OR2M4: variants seen among roughly 807,000 people sequenced by gnomAD.
The protein encoded by OR2M4 is olfactory receptor family 2 subfamily M member 4.
A neutral mutation model predicts 13.7 loss-of-function variants in OR2M4; 8 were observed. The ratio of observed to expected loss-of-function variants is 0.58; its 90% CI spans 0.34 to 1.05. The LOEUF (loss-of-function observed/expected upper bound fraction) is 1.05. OR2M4 is among the 50% of genes least tolerant of loss of function. The pLI is 0.02. For missense variants in OR2M4, 374 were observed against 381.6 expected, an observed-to-expected ratio of 0.98 and a Z score of 0.17; for synonymous variants, 152 against 141.3, an observed-to-expected ratio of 1.08 and a Z score of -0.53.
chr1:248,239,658 C>T lies in OR2M4; in HGVS notation c.730C>T (p.His244Tyr), dbSNP rs774431607. The T allele has an allele frequency of 2.7e-5, 43 of 1,613,996 alleles. No individual in the cohort carries two copies. Among genetic ancestry groups the T allele is most frequent in the Non-Finnish European group, 3.1e-5 (36 of 1,180,028 alleles). The change falls in exon 2 of 2, where the codon CAC becomes TAC. Residue 244 changes from histidine to tyrosine, a missense_variant. By Grantham distance (83) the His-to-Tyr change is moderately conservative (BLOSUM62 2). Coordinates refer to ENST00000641868, the MANE Select transcript of OR2M4 (RefSeq NM_017504.2). ...RRKAFTTCSS[H>Y]LSVVGLYYGA... ...CAAGGCCTTCACTACCTGCTCCTCCCACCTGTCTGTGGTCGGACTCTACTA... is the reference window on the plus strand; with the variant it reads ...CAAGGCCTTCACTACCTGCTCCTCCTACCTGTCTGTGGTCGGACTCTACTA...
rs1015845082 is a variant in OR2M4, at chr1:248,239,001, A to G, written c.73A>G (p.Thr25Ala). ...AATCTTCAATCACAGTCCCACCCACACCTTCCTTTTTTCTCTGGTCCTGGG... is the reference window on the plus strand; with the variant it reads ...AATCTTCAATCACAGTCCCACCCACGCCTTCCTTTTTTCTCTGGTCCTGGG... Reference protein sequence around the residue: ...LGIFNHSPTHTFLFSLVLGIF... With the variant: ...LGIFNHSPTHAFLFSLVLGIF... Residue 25 changes from threonine to alanine, a missense_variant, in exon 2 of 2, where the codon ACC becomes GCC. Physicochemically the swap from Thr to Ala is moderately conservative, Grantham distance 58 (BLOSUM62 0). Transcript: ENST00000641868. 2 of 1,613,592 alleles carry G rather than the reference A, an allele frequency of 1.2e-6. No individual in the cohort carries two copies. The highest frequency in any genetic ancestry group is 2.7e-5 in the African/African-American group (2 of 74,772).
At position 248,240,667 on chromosome 1, in the gene OR2M4, G is replaced by A. The variant is rs575628144; in HGVS notation, c.*803G>A. ...CCATACACGAACAACACATTCATGA[G>A]AGCCAAAAATCAGGTGAGCCTTCGT... On this transcript the variant is annotated 3_prime_UTR_variant, in exon 2 of 2. Coordinates refer to ENST00000641868, the MANE Select transcript of OR2M4 (RefSeq NM_017504.2). 5 of 152,296 alleles carry A rather than the reference G, an allele frequency of 3.3e-5. No individual in the cohort carries two copies. In the East Asian group the frequency reaches 9.6e-4, roughly 29 times the overall value. The allele number at this position is 152,296 out of a possible 1,614,324, so 9.4% of individuals were successfully genotyped here.
chr1:248,232,213 T>A (rs1261266871), intron 1 of OR2M4, among the ~76,000 whole-genome samples: 1 of 152,202 alleles, frequency 6.6e-6, no homozygotes, highest in Non-Finnish European at 1.5e-5. Flanking sequence ...AAGAAAAATT[T>A]AATAAAATCT....
At chr1:248,234,631 T>A (rs1666539396) in intron 1 of OR2M4, among the ~76,000 whole-genome samples, 1 of 152,142 alleles carries the variant, frequency 6.6e-6, no homozygotes, top group Non-Finnish European at 1.5e-5. Context: ...CCTTCATTCA[T>A]GTCCCTGCAA....
intron 1 of OR2M4, among the ~76,000 whole-genome samples, chr1:248,237,463 G>C (rs1440501807): frequency 6.6e-6 from 1 of 152,106 alleles, no homozygotes; most frequent in Non-Finnish European, 1.5e-5. Context: ...AGATGAGCCT[G>C]ACCAACATGG....
chr1:248,236,638 AAAAAT>A (rs960339236), intron 1 of OR2M4, among the ~76,000 whole-genome samples: 4 of 152,108 alleles, frequency 2.6e-5, no homozygotes, highest in Admixed American at 6.6e-5. Flanking sequence ...TGATTTTTTG[AAAAAT>A]AAAATAAAAT....
intron 1 of OR2M4, among the ~76,000 whole-genome samples, chr1:248,236,156 T>C (rs1003870157): frequency 6.6e-6 from 1 of 152,104 alleles, no homozygotes; most frequent in Non-Finnish European, 1.5e-5. Flanking sequence ...ATTACATAAT[T>C]GGTAATAAAG....
At chr1:248,237,215 C>T (rs548782959) in intron 1 of OR2M4, among the ~76,000 whole-genome samples, 20 of 152,196 alleles carry the variant, frequency 1.3e-4, no homozygotes, top group African/African-American at 4.3e-4. Flanking sequence ...TTATCTACCA[C>T]GATCAAGTCA....
Position 248,241,071 on chromosome 1 carries a change from C to G in OR2M4, c.*1207C>G, listed in dbSNP as rs1051484680. ...GCGGTCTATGCCATAAGTACTGCAA[C>G]TCTTAGGTGAGTCCTAGTGCTGAAT... On this transcript the variant is annotated 3_prime_UTR_variant, in exon 2 of 2. Coordinates refer to ENST00000641868, the MANE Select transcript of OR2M4 (RefSeq NM_017504.2). 1.3e-5 allele frequency: 2 copies of G among 152,240 alleles called. No individual in the cohort carries two copies. Among genetic ancestry groups the G allele is most frequent in the African/African-American group, 2.4e-5 (1 of 41,452 alleles). 9.4% of individuals were successfully genotyped at this position (152,240 alleles called of 1,614,324 possible).
In OR2M4 at chr1:248,241,233, T is replaced by C. The variant is rs1010385142; in HGVS notation, c.*1369T>C. 4.6e-5 allele frequency: 7 copies of C among 151,926 alleles called. No homozygotes were observed. Among genetic ancestry groups the C allele is most frequent in the African/African-American group, 1.7e-4 (7 of 41,378 alleles). The allele number at this position is 151,926 out of a possible 1,614,324, so 9.4% of individuals were successfully genotyped here. A position where few individuals can be genotyped will look rare whatever the true frequency, so the allele number is the denominator to read the frequency against. ...CATGGCTCCAAAAGAGTTCTTCCACTTGAGGAGAAGAAAGAGTGGAGAGGA... is the reference window on the plus strand; with the variant it reads ...CATGGCTCCAAAAGAGTTCTTCCACCTGAGGAGAAGAAAGAGTGGAGAGGA... On this transcript the variant is annotated 3_prime_UTR_variant, in exon 2 of 2. Transcript: ENST00000641868.
chr1:248,232,285 A>G (rs757319644), intron 1 of OR2M4, among the ~76,000 whole-genome samples: 4 of 152,134 alleles, frequency 2.6e-5, no homozygotes, highest in Non-Finnish European at 4.4e-5. Context: ...TGAATATGCT[A>G]CAATATGTGG....
At chr1:248,232,197 G>A (rs1044124124) in intron 1 of OR2M4, among the ~76,000 whole-genome samples, 2 of 152,064 alleles carry the variant, frequency 1.3e-5, no homozygotes, top group Non-Finnish European at 2.9e-5. Context: ...TTATAAAGAC[G>A]AAGTAAAGAA....
At chr1:248,237,445 G>A (rs1183466580) in intron 1 of OR2M4, among the ~76,000 whole-genome samples, 1 of 152,100 alleles carries the variant, frequency 6.6e-6, no homozygotes, top group Non-Finnish European at 1.5e-5. Flanking sequence ...CCTGAGGTCA[G>A]GAGTTTGAGA....
intron 1 of OR2M4, among the ~76,000 whole-genome samples, chr1:248,235,218 C>T (rs926969117): frequency 6.6e-6 from 1 of 152,122 alleles, no homozygotes. Context: ...CAGTTTTCTG[C>T]ATATGGCTAG....
rs1666645444 is a variant in OR2M4, at chr1:248,244,323, T to G, written c.*4459T>G. Reference sequence around the variant, plus strand: ...TCAATGGTGGATTGGATAAAGAAAATGTAGCACATAAACACCACAGAGTGC... The same window carrying G: ...TCAATGGTGGATTGGATAAAGAAAAGGTAGCACATAAACACCACAGAGTGC... On this transcript the variant is annotated 3_prime_UTR_variant, in exon 2 of 2. Coordinates refer to ENST00000641868, the MANE Select transcript of OR2M4 (RefSeq NM_017504.2). The G allele has an allele frequency of 6.6e-6, 1 of 152,032 alleles. No homozygotes were observed. Among genetic ancestry groups the G allele is most frequent in the South Asian group, 2.1e-4 (1 of 4,816 alleles). The allele number at this position is 152,032 out of a possible 1,614,324, so 9.4% of individuals were successfully genotyped here. A position where few individuals can be genotyped will look rare whatever the true frequency, so the allele number is the denominator to read the frequency against.
At chr1:248,235,445 T>A (rs943556853) in intron 1 of OR2M4, among the ~76,000 whole-genome samples, 6 of 152,192 alleles carry the variant, frequency 3.9e-5, no homozygotes, top group Non-Finnish European at 8.8e-5. Flanking sequence ...GTGTGATGCC[T>A]CCAGCTTTGT....
rs1666608842 is a variant in OR2M4, at chr1:248,240,557, C to T, written c.*693C>T. On this transcript the variant is annotated 3_prime_UTR_variant, in exon 2 of 2. Coordinates refer to ENST00000641868, the MANE Select transcript of OR2M4 (RefSeq NM_017504.2). ...TATTCCTTATAATCCTTATATTAAC[C>T]ATCAGAATCTGAAGGCAGAGCAAGA... 6.6e-6 allele frequency: 1 copy of T among 152,072 alleles called. No individual in the cohort carries two copies. The highest frequency in any genetic ancestry group is 2.4e-5 in the African/African-American group (1 of 41,384). The allele number at this position is 152,072 out of a possible 1,614,324, so 9.4% of individuals were successfully genotyped here. A position where few individuals can be genotyped will look rare whatever the true frequency, so the allele number is the denominator to read the frequency against.
chr1:248,239,415 G>A lies in OR2M4; in HGVS notation c.487G>A (p.Val163Ile). 6.2e-7 allele frequency: 1 copy of A among 1,614,052 alleles called. No homozygotes were observed. Among genetic ancestry groups the A allele is most frequent in the Non-Finnish European group, 8.5e-7 (1 of 1,180,016 alleles). ...SLDGIIVLAA[V>I]LSFSYCSSLE... is the part of the protein sequence containing the mutation. The stretch of plus-strand genomic sequence containing the variant: ...TGATGGGATCATAGTGCTTGCAGCT[G>A]TCCTGTCATTTTCTTACTGCAGCTC... The change falls in exon 2 of 2, where the codon GTC (valine) becomes ATC (isoleucine). Residue 163 changes from valine (V) to isoleucine (I), a missense_variant. Val to Ile is a conservative substitution (Grantham distance 29). Coordinates refer to ENST00000641868, the MANE Select transcript of OR2M4 (RefSeq NM_017504.2).
chr1:248,238,160 T>C (rs544650044), intron 1 of OR2M4, among the ~76,000 whole-genome samples: 22 of 152,126 alleles, frequency 1.4e-4, no homozygotes, highest in African/African-American at 5.3e-4. Flanking sequence ...CTTAATAAAA[T>C]TAAAAATAGA....
Sources: gnomAD v4.1 joint callset for allele counts (sites outside exome capture counted in the v4.1 genomes callset) on GRCh38, gnomAD v4.1.1 for gene constraint, MANE v1.5 for transcripts, NCBI Gene and HGNC (gene_info 2026-07-23, HGNC 2026-07-21) for gene names.